Variants in ARSG observed in about 807,000 individuals in gnomAD.
ARSG encodes arylsulfatase G, also known as ASG.
A neutral mutation model predicts 50.5 loss-of-function variants in ARSG; 37 were observed. The observed-to-expected ratio is 0.73, with a 90% CI of 0.56 to 0.96. The LOEUF (loss-of-function observed/expected upper bound fraction) is 0.96. ARSG is among the 50% of genes least tolerant of loss of function. ARSG has a pLI of 0.00. For synonymous variants in ARSG, 225 were observed against 254.6 expected, an observed-to-expected ratio of 0.88 and a Z score of 1.11; for missense variants, 629 against 675.3, an observed-to-expected ratio of 0.93 and a Z score of 0.76.
At chr17:68,432,255 T>G in the ARSG span, among the ~76,000 whole-genome samples, 2 of 152,176 alleles carry the variant, frequency 1.3e-5, no homozygotes, top group South Asian at 4.1e-4. Context: ...GGGACGTCAG[T>G]CCCATGGCTG....
At chr17:68,422,309 C>G (rs1368351356), downstream of ARSG, 3 of 160,078 alleles carry the variant, frequency 1.9e-5, no homozygotes, top group Non-Finnish European at 4.1e-5. Flanking sequence ...CACCTGTAAT[C>G]CCAGCTACTC....
chr17:68,308,552 G>C (rs1345606721), intron 2 of ARSG, among the ~76,000 whole-genome samples: 1 of 152,232 alleles, frequency 6.6e-6, no homozygotes, highest in Non-Finnish European at 1.5e-5. Flanking sequence ...TGGACCCAAA[G>C]AGTGAGCAGT....
intron 2 of ARSG, among the ~76,000 whole-genome samples, chr17:68,312,174 C>T (rs2076887453): frequency 6.6e-6 from 1 of 152,070 alleles, no homozygotes; most frequent in Non-Finnish European, 1.5e-5. Context: ...CACCTCCCTC[C>T]TAGCTCTGGA....
chr17:68,343,543 T>G, intron 2 of ARSG, 61 bp from the exon 3 acceptor site: 1 of 1,468,592 alleles, frequency 6.8e-7, no homozygotes, highest in Middle Eastern at 2.0e-4. Flanking sequence ...GGGCACTGCC[T>G]TTTCTTTTAC....
At chr17:68,333,030 G>A (rs1211809086) in intron 2 of ARSG, among the ~76,000 whole-genome samples, 1 of 152,212 alleles carries the variant, frequency 6.6e-6, no homozygotes, top group Non-Finnish European at 1.5e-5. Context: ...TAATAAGAGG[G>A]CTGGGCCCAG....
At chr17:68,438,207 A>C in the ARSG span, among the ~76,000 whole-genome samples, 1 of 152,028 alleles carries the variant, frequency 6.6e-6, no homozygotes, top group South Asian at 2.1e-4. Flanking sequence ...TACGGGAGGA[A>C]GTGGCTGAGC....
the ARSG span, among the ~76,000 whole-genome samples, chr17:68,438,355 T>C: frequency 6.6e-6 from 1 of 152,214 alleles, no homozygotes. Flanking sequence ...TCACCCCTTC[T>C]GAATTCTTTG....
intron 2 of ARSG, among the ~76,000 whole-genome samples, chr17:68,341,938 G>C (rs1339485519): frequency 6.6e-6 from 1 of 152,028 alleles, no homozygotes; most frequent in East Asian, 1.9e-4. Flanking sequence ...TCCTGCCTCA[G>C]CCTCCCAAGT....
At chr17:68,340,396 T>C (rs1419531893) in intron 2 of ARSG, among the ~76,000 whole-genome samples, 1 of 152,272 alleles carries the variant, frequency 6.6e-6, no homozygotes, top group African/African-American at 2.4e-5. Context: ...GCAGTTCTCA[T>C]GCTTCAGCCT....
chr17:68,392,749 C>T (rs1294314690), intron 9 of ARSG, among the ~76,000 whole-genome samples: 4 of 152,234 alleles, frequency 2.6e-5, no homozygotes, highest in African/African-American at 9.6e-5. Flanking sequence ...ATCCACCCAC[C>T]TCAGCCTTCC....
chr17:68,395,217 A>G (rs773204469), intron 10 of ARSG, 24 bp downstream of exon 10: 1 of 1,612,742 alleles, frequency 6.2e-7, no homozygotes, highest in South Asian at 1.1e-5. Flanking sequence ...GTACTTGCCC[A>G]CATGTAGGCT....
chr17:68,308,982 C>T (rs995859873), intron 2 of ARSG, among the ~76,000 whole-genome samples: 1 of 152,228 alleles, frequency 6.6e-6, no homozygotes, highest in African/African-American at 2.4e-5. Flanking sequence ...CGAGGAGGCT[C>T]GGGCCGCACA....
chr17:68,272,023 G>A (rs1233494888), intron 1 of ARSG, among the ~76,000 whole-genome samples: 1 of 152,070 alleles, frequency 6.6e-6, no homozygotes, highest in East Asian at 1.9e-4. Context: ...GGATGGTCTC[G>A]ATCTCCTGAC....
intron 1 of ARSG, among the ~76,000 whole-genome samples, chr17:68,282,524 C>T (rs1165558780): frequency 2.0e-5 from 3 of 151,376 alleles, no homozygotes; most frequent in Admixed American, 6.6e-5. Flanking sequence ...TAGGACCAGG[C>T]GCAGTGGCTC....
At chr17:68,309,954 TTTTG>T (rs782288096) in intron 2 of ARSG, among the ~76,000 whole-genome samples, 30 of 150,450 alleles carry the variant, frequency 2.0e-4, no homozygotes, top group Non-Finnish European at 3.5e-4. Flanking sequence ...ATCCAGAGTT[TTTTG>T]TTTGTTTGTT....
the ARSG span, chr17:68,435,743 T>A: frequency 6.2e-7 from 1 of 1,601,412 alleles, no homozygotes; most frequent in Non-Finnish European, 8.6e-7. Flanking sequence ...TGGATACAGA[T>A]GCTGCGGAGG....
chr17:68,340,482 C>T (rs113820818), intron 2 of ARSG, among the ~76,000 whole-genome samples: 8,213 of 152,066 alleles, frequency 0.054, 272 homozygotes, highest in East Asian at 0.11. Flanking sequence ...GACGGAGTTT[C>T]GCCATGTTAG....
At chr17:68,362,907 C>G (rs1205188214) in intron 6 of ARSG, among the ~76,000 whole-genome samples, 1 of 152,076 alleles carries the variant, frequency 6.6e-6, no homozygotes, top group Non-Finnish European at 1.5e-5. Context: ...TCCTCTGTCC[C>G]CAGTGCCCAG....
At chr17:68,319,312 C>T (rs891680085) in intron 2 of ARSG, among the ~76,000 whole-genome samples, 5 of 152,208 alleles carry the variant, frequency 3.3e-5, no homozygotes, top group Admixed American at 1.3e-4. Context: ...ATCCTGACTT[C>T]TCTTTGTAAG....
Sources: allele counts gnomAD v4.1 joint callset (sites outside exome capture counted in the v4.1 genomes callset), GRCh38; gene constraint gnomAD v4.1.1; transcripts MANE v1.5; gene names NCBI Gene and HGNC (gene_info 2026-07-23, HGNC 2026-07-21).